NETO1: variants seen among roughly 807,000 people sequenced by gnomAD.
NETO1 encodes neuropilin and tolloid-like protein 1.
In NETO1, 26 loss-of-function variants were observed where a neutral mutation model predicts 61.3. That is an observed-to-expected ratio of 0.42 (90% CI 0.31 to 0.59). NETO1 has a LOEUF of 0.59. Ranked by LOEUF, NETO1 falls within the 20% of genes least tolerant of loss-of-function variation. The pLI, the probability that NETO1 is intolerant of heterozygous loss-of-function variation, is 0.12. For synonymous variants in NETO1, 225 were observed against 225.8 expected, an observed-to-expected ratio of 1.00 and a Z score of 0.03; for missense variants, 531 against 662.8, an observed-to-expected ratio of 0.80 and a Z score of 2.18.
chr18:72,867,001 A>G (rs2074756846), intron 1 of NETO1: 1 of 447,390 alleles, frequency 2.2e-6, no homozygotes, highest in Non-Finnish European at 3.9e-6. Flanking sequence ...ACTGCACGCT[A>G]TCCTCCACCC....
intron 4 of NETO1, among the ~76,000 whole-genome samples, chr18:72,840,563 C>G (rs2073898396): frequency 6.6e-6 from 1 of 152,104 alleles, no homozygotes; most frequent in Non-Finnish European, 1.5e-5. Context: ...TGTTAGTAGC[C>G]TAGAGAAATT....
chr18:72,861,490 G>T (rs2074571034), intron 3 of NETO1, among the ~76,000 whole-genome samples: 1 of 152,112 alleles, frequency 6.6e-6, no homozygotes, highest in Admixed American at 6.5e-5. Context: ...TAACATTTCT[G>T]TAAGTTATAT....
intron 4 of NETO1, among the ~76,000 whole-genome samples, chr18:72,814,293 T>C (rs766798677): frequency 2.0e-5 from 3 of 152,108 alleles, no homozygotes; most frequent in Non-Finnish European, 4.4e-5. Context: ...CATCTTAAGA[T>C]TCTGTGTTTT....
intron 4 of NETO1, among the ~76,000 whole-genome samples, chr18:72,841,126 T>G (rs1238096208): frequency 6.6e-6 from 1 of 152,224 alleles, no homozygotes; most frequent in Non-Finnish European, 1.5e-5. Context: ...GAAGCCAGGC[T>G]GATGGCCAGA....
chr18:72,813,959 G>A (rs369148722), intron 4 of NETO1, among the ~76,000 whole-genome samples: 7 of 152,118 alleles, frequency 4.6e-5, no homozygotes, highest in African/African-American at 1.7e-4. Context: ...GTGGTAATTA[G>A]GTTGATACCT....
intron 9 of NETO1, 117 bp from the exon 10 acceptor site, chr18:72,749,205 T>C: frequency 2.8e-6 from 2 of 707,660 alleles, no homozygotes; most frequent in Non-Finnish European, 5.1e-6. Context: ...TAGACTTATG[T>C]CAGCATGCAA....
At chr18:72,810,706 C>A (rs182806150) in intron 4 of NETO1, among the ~76,000 whole-genome samples, 4 of 152,172 alleles carry the variant, frequency 2.6e-5, no homozygotes, top group Non-Finnish European at 5.9e-5. Flanking sequence ...CCTGCTCAAT[C>A]TGTAGTTCCT....
intron 8 of NETO1, 128 bp downstream of exon 8, chr18:72,755,906 G>A (rs2070766606): frequency 1.9e-6 from 1 of 537,284 alleles, no homozygotes; most frequent in African/African-American, 1.9e-5. Flanking sequence ...TCAATTATAA[G>A]ACATATGCGG....
intron 7 of NETO1, among the ~76,000 whole-genome samples, chr18:72,766,964 T>C (rs775858358): frequency 6.6e-6 from 1 of 152,210 alleles, no homozygotes; most frequent in Non-Finnish European, 1.5e-5. Flanking sequence ...AAGGAGGGTA[T>C]TAAATATCTT....
intron 4 of NETO1, among the ~76,000 whole-genome samples, chr18:72,824,892 A>T (rs925747487): frequency 6.6e-6 from 1 of 152,130 alleles, no homozygotes; most frequent in Admixed American, 6.5e-5. Context: ...CAAACAAAAA[A>T]TAATAAAAAT....
At chr18:72,843,868 C>T (rs2145503341) in intron 4 of NETO1, among the ~76,000 whole-genome samples, 1 of 152,222 alleles carries the variant, frequency 6.6e-6, no homozygotes. Context: ...TGTAAAATTC[C>T]AAAATACACA....
At chr18:72,843,634 T>A (rs1459613429) in intron 4 of NETO1, among the ~76,000 whole-genome samples, 1 of 152,194 alleles carries the variant, frequency 6.6e-6, no homozygotes, top group African/African-American at 2.4e-5. Flanking sequence ...AGAAAGCTCC[T>A]TTTTTGGTAA....
intron 4 of NETO1, among the ~76,000 whole-genome samples, chr18:72,855,100 T>C (rs2074376051): frequency 6.6e-6 from 1 of 152,348 alleles, no homozygotes; most frequent in African/African-American, 2.4e-5. Flanking sequence ...TTTTATTAAA[T>C]TGTTTGAGTT....
rs1031323270 is a variant in NETO1, at chr18:72,764,406, C to G, written c.869-8259G>C. Among the ~76,000 whole-genome samples the G allele has an allele frequency of 2.8e-4, 43 of 152,134 alleles. 2 individuals carry two copies. Among genetic ancestry groups the G allele is most frequent in the Non-Finnish European group, 2.5e-4 (17 of 68,030 alleles). On this transcript the variant is annotated intron_variant, in intron 7 of 10. Transcript: ENST00000327305. ...TGAAGAGCAAAATCTAGCATACTTA[C>G]TTTTATTTATTACTAATGTTTATCA...
intron 4 of NETO1, among the ~76,000 whole-genome samples, chr18:72,853,058 C>T (rs2074303002): frequency 6.6e-6 from 1 of 152,018 alleles, no homozygotes; most frequent in Non-Finnish European, 1.5e-5. Flanking sequence ...TGGTCTCAAA[C>T]TCCTGACCTA....
At chr18:72,865,083 T>A (rs2074693955) in intron 2 of NETO1, 105 bp downstream of exon 2, 2 of 1,393,290 alleles carry the variant, frequency 1.4e-6, no homozygotes, top group African/African-American at 2.9e-5. Context: ...CAATTATACA[T>A]ATTATAACAG....
At chr18:72,794,452 T>A in intron 4 of NETO1, 48 bp from the exon 5 acceptor site, 1 of 1,536,488 alleles carries the variant, frequency 6.5e-7, no homozygotes, top group Non-Finnish European at 8.8e-7. Context: ...CATTTATTAC[T>A]TACAGTGAGT....
At chr18:72,771,989 G>T (rs11663795) in intron 7 of NETO1, among the ~76,000 whole-genome samples, 49,073 of 151,876 alleles carry the variant, frequency 0.32, 8,555 homozygotes, top group South Asian at 0.48. Context: ...GAGTCTGTCT[G>T]GATTGGGTTC....
At chr18:72,776,237 A>G (rs2071542724) in intron 7 of NETO1, among the ~76,000 whole-genome samples, 1 of 152,124 alleles carries the variant, frequency 6.6e-6, no homozygotes, top group Non-Finnish European at 1.5e-5. Context: ...ATCATAACCC[A>G]TATCGTAGAA....
Sources: allele counts gnomAD v4.1 joint callset (sites outside exome capture counted in the v4.1 genomes callset), GRCh38; gene constraint gnomAD v4.1.1; transcripts MANE v1.5; gene names NCBI Gene and HGNC (gene_info 2026-07-23, HGNC 2026-07-21).